Variants in SGIP1 observed in about 807,000 individuals in gnomAD.
The protein encoded by SGIP1 is SH3-containing GRB2-like protein 3-interacting protein 1.
Under a neutral mutation model 107.5 loss-of-function variants are expected in SGIP1, and 38 were observed. The observed-to-expected ratio is 0.35, with a 90% CI of 0.27 to 0.46. SGIP1 has a LOEUF of 0.46. Among genes scored for constraint, SGIP1 ranks in the 20% least tolerant of loss-of-function variants. SGIP1 has a pLI of 1.00. For synonymous variants in SGIP1, 365 were observed against 366.1 expected, an observed-to-expected ratio of 1.00 and a Z score of 0.03; for missense variants, 929 against 1,019.5, an observed-to-expected ratio of 0.91 and a Z score of 1.21.
At chr1:66,690,148 A>G in intron 16 of SGIP1, 42 bp from the exon 17 acceptor site, 1 of 1,607,436 alleles carries the variant, frequency 6.2e-7, no homozygotes, top group Non-Finnish European at 8.5e-7. Flanking sequence ...AAATACTGCA[A>G]CCTGTGTATC....
At chr1:66,705,903 A>G (rs1217949658) in intron 18 of SGIP1, among the ~76,000 whole-genome samples, 1 of 152,116 alleles carries the variant, frequency 6.6e-6, no homozygotes, top group African/African-American at 2.4e-5. Context: ...AGAGCATTAG[A>G]ACAAATACCT....
intron 18 of SGIP1, among the ~76,000 whole-genome samples, chr1:66,716,177 C>T (rs552709280): frequency 3.7e-4 from 56 of 152,184 alleles, no homozygotes; most frequent in Middle Eastern, 3.4e-3. Flanking sequence ...CAGTTTCATC[C>T]AAGCCACCAA....
chr1:66,741,687 G>A (rs970097818), intron 24 of SGIP1, among the ~76,000 whole-genome samples: 5 of 152,046 alleles, frequency 3.3e-5, no homozygotes, highest in African/African-American at 1.2e-4. Flanking sequence ...TTATATAGAT[G>A]TATATACTGA....
intron 19 of SGIP1, among the ~76,000 whole-genome samples, chr1:66,727,626 G>A (rs1275046100): frequency 6.6e-6 from 1 of 152,172 alleles, no homozygotes; most frequent in Non-Finnish European, 1.5e-5. Flanking sequence ...CTGGAAAGAA[G>A]CCAAATGTTC....
chr1:66,587,948 C>G (rs2148830802), intron 1 of SGIP1, among the ~76,000 whole-genome samples: 1 of 152,260 alleles, frequency 6.6e-6, no homozygotes, highest in South Asian at 2.1e-4. Flanking sequence ...ACCTCTATTA[C>G]TTGCACTTTT....
chr1:66,628,306 G>A (rs2073421515), intron 2 of SGIP1: 1 of 154,178 alleles, frequency 6.5e-6, no homozygotes, highest in Admixed American at 6.6e-5. Context: ...CACTAGATCA[G>A]AAGACCTGGG....
At chr1:66,720,697 G>A (rs1553176057) in intron 19 of SGIP1, among the ~76,000 whole-genome samples, 1 of 152,146 alleles carries the variant, frequency 6.6e-6, no homozygotes, top group Non-Finnish European at 1.5e-5. Context: ...CTGCACTCCA[G>A]CCTGGGTGAC....
intron 10 of SGIP1, among the ~76,000 whole-genome samples, chr1:66,671,387 T>C (rs1329017254): frequency 1.3e-5 from 2 of 152,174 alleles, no homozygotes; most frequent in Non-Finnish European, 2.9e-5. Flanking sequence ...ACTTACCCAT[T>C]CTTGTGTTAT....
At chr1:66,657,432 T>C (rs1418577585) in intron 7 of SGIP1, among the ~76,000 whole-genome samples, 1 of 152,210 alleles carries the variant, frequency 6.6e-6, no homozygotes, top group Non-Finnish European at 1.5e-5. Flanking sequence ...GTTTATATTT[T>C]CTTCATTCAC....
Position 66,682,214 on chromosome 1 carries a change from C to T in SGIP1, c.1160C>T (p.Thr387Ile), listed in dbSNP as rs202142149. The T allele has an allele frequency of 1.7e-5, 27 of 1,614,098 alleles. No homozygotes were observed. The highest frequency in any genetic ancestry group is 3.3e-5 in the Admixed American group (2 of 60,016). The change falls in exon 15 of 25, where the codon ACC becomes ATC. Residue 387 changes from threonine (T) to isoleucine (I), a missense_variant. By Grantham distance (89) the Thr-to-Ile change is moderately conservative (BLOSUM62 -1). Around this residue, in one of 2 missense-constraint regions of SGIP1, gnomAD observed 588 missense variants for 588.6 expected, o/e 1.00. Transcript: ENST00000371037. ...EEVQKKVAEQ[T>I]FIKDDYLETI... is the part of the protein sequence containing the mutation. ...GTCCAGAAGAAAGTCGCTGAGCAGA[C>T]CTTCATTAAAGATGATTACTTAGAA...
intron 5 of SGIP1, 110 bp downstream of exon 5, chr1:66,639,943 T>C: frequency 2.4e-6 from 2 of 833,680 alleles, no homozygotes; most frequent in East Asian, 5.3e-5. Flanking sequence ...TCCATGTCAT[T>C]AGGAAGTGTC....
At chr1:66,569,878 A>G (rs555054336) in intron 1 of SGIP1, among the ~76,000 whole-genome samples, 18 of 151,978 alleles carry the variant, frequency 1.2e-4, no homozygotes, top group Admixed American at 3.3e-4. Flanking sequence ...AAAAGTTATC[A>G]ACTATTGATT....
chr1:66,596,655 C>A (rs527834445), intron 1 of SGIP1, among the ~76,000 whole-genome samples: 1 of 151,100 alleles, frequency 6.6e-6, no homozygotes, highest in Non-Finnish European at 1.5e-5. Context: ...GGGAACCTGC[C>A]CCTATCAGCC....
At chr1:66,642,296 C>T (rs2076935888) in intron 5 of SGIP1, among the ~76,000 whole-genome samples, 2 of 152,114 alleles carry the variant, frequency 1.3e-5, no homozygotes, top group Admixed American at 6.5e-5. Context: ...TCTGAACAGG[C>T]TCTTCCTTAC....
intron 7 of SGIP1, among the ~76,000 whole-genome samples, chr1:66,656,110 T>A (rs1485945190): frequency 6.6e-6 from 1 of 152,212 alleles, no homozygotes. Context: ...TTAAAAATTT[T>A]TCTTTTCACT....
intron 1 of SGIP1, among the ~76,000 whole-genome samples, chr1:66,543,537 A>G (rs926373650): frequency 3.3e-5 from 5 of 152,230 alleles, no homozygotes; most frequent in African/African-American, 1.2e-4. Context: ...CTTGGAGCCC[A>G]TGGTGTTTTT....
intron 23 of SGIP1, 65 bp downstream of exon 23, chr1:66,740,787 A>G (rs973776395): frequency 3.9e-6 from 4 of 1,016,600 alleles, no homozygotes; most frequent in Admixed American, 4.3e-5. Flanking sequence ...GTATTTGCCA[A>G]CTATTACCCA....
chr1:66,545,449 C>T (rs2056154027), intron 1 of SGIP1, among the ~76,000 whole-genome samples: 1 of 152,186 alleles, frequency 6.6e-6, no homozygotes, highest in African/African-American at 2.4e-5. Flanking sequence ...CAGGCTGATC[C>T]AGCTTAAACC....
intron 1 of SGIP1, among the ~76,000 whole-genome samples, chr1:66,604,709 G>A (rs556907483): frequency 6.6e-6 from 1 of 152,288 alleles, no homozygotes; most frequent in Non-Finnish European, 1.5e-5. Flanking sequence ...GTAAAAATGT[G>A]AGTTACTGAA....
Sources: gnomAD v4.1 joint callset for allele counts (sites outside exome capture counted in the v4.1 genomes callset) on GRCh38, gnomAD v4.1.1 for gene constraint, gnomAD v4.1.1 regional missense constraint, MANE v1.5 for transcripts, NCBI Gene and HGNC (gene_info 2026-07-23, HGNC 2026-07-21) for gene names.